The following CSGALNACT1 variants were observed in gnomAD, a reference collection of about 807,000 sequenced individuals.
CSGALNACT1 encodes beta4GalNAcT-1.
A neutral mutation model predicts 51.0 loss-of-function variants in CSGALNACT1; 52 were observed. That is an observed-to-expected ratio of 1.02 (90% confidence interval 0.82 to 1.29). The LOEUF is 1.29. Among genes scored for constraint, CSGALNACT1 ranks in the 50% most tolerant of loss-of-function variants. The probability of loss-of-function intolerance (pLI) is 0.00; values close to 1 mark genes in which losing one functional copy is unlikely to be tolerated. For synonymous variants in CSGALNACT1, 341 were observed against 254.4 expected (o/e 1.34, Z -3.24); for missense variants, 935 against 679.2 (o/e 1.38, Z -4.19).
At chr8:19,491,836 A>G (rs1359340981) in intron 4 of CSGALNACT1, among the ~76,000 whole-genome samples, 1 of 152,212 alleles carries the variant, frequency 6.6e-6, no homozygotes, top group Non-Finnish European at 1.5e-5. Flanking sequence ...TACATAATTC[A>G]AGGGTACTAA....
chr8:19,431,705 C>T (rs967715417), intron 6 of CSGALNACT1, among the ~76,000 whole-genome samples: 12 of 152,192 alleles, frequency 7.9e-5, no homozygotes, highest in Admixed American at 7.8e-4. Context: ...GTTCTCTCCT[C>T]TTCCAATTTT....
chr8:19,426,220 G>C (rs1251303417), intron 6 of CSGALNACT1, among the ~76,000 whole-genome samples: 1 of 152,178 alleles, frequency 6.6e-6, no homozygotes, highest in Admixed American at 6.5e-5. Context: ...GCTGCATGGA[G>C]ATGCCTCCCT....
At chr8:19,505,135 T>A in intron 4 of CSGALNACT1, 66 bp downstream of exon 3, 3 of 1,595,344 alleles carry the variant, frequency 1.9e-6, no homozygotes, top group Non-Finnish European at 2.6e-6. Flanking sequence ...AGCTGGAACC[T>A]GCCTGGGTGC....
chr8:19,564,752 A>G (rs1399810734), intron 3 of CSGALNACT1, among the ~76,000 whole-genome samples: 1 of 152,152 alleles, frequency 6.6e-6, no homozygotes, highest in Non-Finnish European at 1.5e-5. Flanking sequence ...TTTCATTCTA[A>G]TTCTCTGCAT....
At chr8:19,654,908 A>C (rs1271628910) in intron 1 of CSGALNACT1, among the ~76,000 whole-genome samples, 2 of 152,136 alleles carry the variant, frequency 1.3e-5, no homozygotes, top group Admixed American at 1.3e-4. Flanking sequence ...AAATATTAGT[A>C]ATCAAGATTT....
intron 4 of CSGALNACT1, among the ~76,000 whole-genome samples, chr8:19,498,160 T>C (rs2075798201): frequency 6.6e-6 from 1 of 152,088 alleles, no homozygotes; most frequent in Admixed American, 6.5e-5. Flanking sequence ...GAATTGTGGG[T>C]TCACAATTCA....
intron 1 of CSGALNACT1, among the ~76,000 whole-genome samples, chr8:19,749,915 G>A (rs942913851): frequency 6.6e-6 from 1 of 152,198 alleles, no homozygotes; most frequent in Admixed American, 6.5e-5. Flanking sequence ...AAGTCCATAA[G>A]AGGCAATGCA....
chr8:19,620,465 G>C (rs1714453146), intron 1 of CSGALNACT1, among the ~76,000 whole-genome samples: 1 of 146,892 alleles, frequency 6.8e-6, no homozygotes, highest in Non-Finnish European at 1.5e-5. Context: ...GTCTTGCTCT[G>C]TTGCCCAGGC....
At chr8:19,581,926 T>G (rs2045668208) in intron 3 of CSGALNACT1, among the ~76,000 whole-genome samples, 2 of 152,212 alleles carry the variant, frequency 1.3e-5, no homozygotes, top group Admixed American at 1.3e-4. Context: ...TTTCTCAATT[T>G]AGAAAATTAT....
intron 3 of CSGALNACT1, among the ~76,000 whole-genome samples, chr8:19,582,642 G>T (rs564786582): frequency 1.3e-5 from 2 of 152,296 alleles, no homozygotes; most frequent in African/African-American, 2.4e-5. Context: ...CAGCTGGAAA[G>T]ACATAGAGAG....
intron 1 of CSGALNACT1, among the ~76,000 whole-genome samples, chr8:19,656,882 A>G (rs889665066): frequency 3.9e-5 from 6 of 152,076 alleles, no homozygotes; most frequent in East Asian, 1.9e-4. Flanking sequence ...CCTGGCCAAC[A>G]TGGTGAAACC....
At chr8:19,743,820 A>T (rs1351343048) in intron 1 of CSGALNACT1, among the ~76,000 whole-genome samples, 1 of 152,254 alleles carries the variant, frequency 6.6e-6, no homozygotes, top group Non-Finnish European at 1.5e-5. Context: ...TAAAAAATGC[A>T]AACTATAGAT....
At chr8:19,635,183 G>A (rs1161352885) in intron 1 of CSGALNACT1, among the ~76,000 whole-genome samples, 1 of 152,184 alleles carries the variant, frequency 6.6e-6, no homozygotes, top group East Asian at 1.9e-4. Flanking sequence ...AGGAGGAGAG[G>A]GAGGGAGAAG....
At chr8:19,700,254 C>T (rs1444596748) in intron 1 of CSGALNACT1, among the ~76,000 whole-genome samples, 2 of 151,604 alleles carry the variant, frequency 1.3e-5, no homozygotes, top group Admixed American at 6.6e-5. Context: ...AGAAACCAAA[C>T]CTCCTATTTC....
In CSGALNACT1 at chr8:19,406,208, G is replaced by A. The variant is rs1330716178; in HGVS notation, c.1310-139C>T. On this transcript the variant is annotated intron_variant, in intron 9 of 9. Coordinates refer to ENST00000454498, the Ensembl canonical transcript of CSGALNACT1. Reference sequence around the variant, plus strand: ...ACCACCACCCCTCCAAGGTACGAGAGTGTCCACCTGGGTCAGAAGCCCCGA... The same window carrying A: ...ACCACCACCCCTCCAAGGTACGAGAATGTCCACCTGGGTCAGAAGCCCCGA... The A allele has an allele frequency of 7.0e-6, 7 of 995,320 alleles. No individual in the cohort carries two copies. In the East Asian group the frequency reaches 1.5e-4, roughly 21 times the overall value. 61.7% of individuals were successfully genotyped at this position (995,320 alleles called of 1,614,324 possible). A position where few individuals can be genotyped will look rare whatever the true frequency, so the allele number is the denominator to read the frequency against.
intron 3 of CSGALNACT1, among the ~76,000 whole-genome samples, chr8:19,523,421 T>C (rs1363154000): frequency 3.3e-5 from 5 of 152,080 alleles, no homozygotes; most frequent in Non-Finnish European, 7.4e-5. Context: ...CATGACATGA[T>C]GCCCAGCTAA....
intron 1 of CSGALNACT1, chr8:19,641,902 A>G (rs1054484096): frequency 6.6e-6 from 1 of 152,186 alleles, no homozygotes; most frequent in African/African-American, 2.4e-5. Flanking sequence ...TGTGGGCTCC[A>G]TGAGGTTTCT....
At chr8:19,409,673 A>C (rs973091790) in intron 8 of CSGALNACT1, among the ~76,000 whole-genome samples, 9 of 152,148 alleles carry the variant, frequency 5.9e-5, no homozygotes, top group Non-Finnish European at 1.2e-4. Context: ...TCCTCTGGGG[A>C]AAGGTAGAGA....
At chr8:19,731,923 C>T (rs1803510416) in intron 1 of CSGALNACT1, among the ~76,000 whole-genome samples, 1 of 152,170 alleles carries the variant, frequency 6.6e-6, no homozygotes, top group Admixed American at 6.5e-5. Flanking sequence ...TCAGGCCGTG[C>T]TGCAACTCTA....
Sources: allele counts gnomAD v4.1 joint callset (sites outside exome capture counted in the v4.1 genomes callset), GRCh38; gene constraint gnomAD v4.1.1; transcripts MANE v1.5; gene names NCBI Gene and HGNC (gene_info 2026-07-23, HGNC 2026-07-21).